The following SGMS1 variants were observed in gnomAD, a reference collection of about 807,000 sequenced individuals.
SGMS1 encodes the protein phosphatidylcholine:ceramide cholinephosphotransferase 1.
In SGMS1, 13 loss-of-function variants were observed where a neutral mutation model predicts 46.2. The observed-to-expected ratio is 0.28, with a 90% CI of 0.18 to 0.45. The LOEUF is 0.45. Ranked by LOEUF, SGMS1 falls within the 20% of genes least tolerant of loss-of-function variation. The pLI, the probability that SGMS1 is intolerant of heterozygous loss-of-function variation, is 1.00. For missense variants in SGMS1, 324 were observed against 519.9 expected (o/e 0.62, Z 3.66); for synonymous variants, 203 against 187.8 (o/e 1.08, Z -0.66).
At chr10:50,434,368 A>G (rs371159841) in intron 5 of SGMS1, among the ~76,000 whole-genome samples, 9 of 152,184 alleles carry the variant, frequency 5.9e-5, no homozygotes, top group Non-Finnish European at 1.2e-4. Context: ...TGGCTCCAAG[A>G]AGACAACATT....
chr10:50,457,368 TTTC>T (rs1837204929), intron 5 of SGMS1, among the ~76,000 whole-genome samples: 1 of 152,182 alleles, frequency 6.6e-6, no homozygotes, highest in Non-Finnish European at 1.5e-5. Flanking sequence ...TTTACCAAAT[TTTC>T]TTTTTTTCCT....
intron 8 of SGMS1, among the ~76,000 whole-genome samples, chr10:50,318,185 C>T (rs1286864470): frequency 2.0e-5 from 3 of 152,106 alleles, no homozygotes; most frequent in Admixed American, 6.5e-5. Flanking sequence ...CAAAGCATTC[C>T]CAATTGATTT....
chr10:50,341,225 T>G, intron 7 of SGMS1: 1 of 424,470 alleles, frequency 2.4e-6, no homozygotes, highest in South Asian at 1.7e-5. Context: ...ACCTTCTCTA[T>G]GAGAGCCAGG....
At chr10:50,445,415 G>C (rs906024024) in intron 5 of SGMS1, among the ~76,000 whole-genome samples, 18 of 152,322 alleles carry the variant, frequency 1.2e-4, no homozygotes, top group African/African-American at 4.1e-4. Flanking sequence ...GTTGCGGGAA[G>C]TCAGGGACCC....
intron 2 of SGMS1, among the ~76,000 whole-genome samples, chr10:50,549,345 G>GAAA (rs1395088774): frequency 2.0e-5 from 3 of 152,166 alleles, no homozygotes; most frequent in Non-Finnish European, 4.4e-5. Flanking sequence ...TATACACCAT[G>GAAA]GAATACTACG....
At chr10:50,376,902 G>C (rs1340121631) in intron 6 of SGMS1, among the ~76,000 whole-genome samples, 1 of 151,996 alleles carries the variant, frequency 6.6e-6, no homozygotes, top group Non-Finnish European at 1.5e-5. Flanking sequence ...TTTTAAGATG[G>C]GCAGCTCTAC....
chr10:50,399,964 G>A (rs1240488315), intron 6 of SGMS1, among the ~76,000 whole-genome samples: 1 of 151,302 alleles, frequency 6.6e-6, no homozygotes, highest in Admixed American at 6.6e-5. Context: ...AGGAGGCAGA[G>A]CTTGCAGTGA....
At chr10:50,616,346 G>A (rs1180766823) in intron 1 of SGMS1, among the ~76,000 whole-genome samples, 2 of 152,108 alleles carry the variant, frequency 1.3e-5, no homozygotes, top group African/African-American at 4.8e-5. Flanking sequence ...GTGTTGCCCA[G>A]ACTGGCCTCA....
intron 2 of SGMS1, among the ~76,000 whole-genome samples, chr10:50,572,515 G>A (rs1838345159): frequency 1.3e-5 from 2 of 152,126 alleles, no homozygotes; most frequent in Non-Finnish European, 2.9e-5. Flanking sequence ...GATGGGTTGG[G>A]GGAAGAAGGG....
At chr10:50,384,295 TG>T (rs1197684895) in intron 6 of SGMS1, among the ~76,000 whole-genome samples, 5 of 152,342 alleles carry the variant, frequency 3.3e-5, no homozygotes, top group African/African-American at 1.2e-4. Flanking sequence ...TTGAGCCTTT[TG>T]TTTCTTTATC....
intron 5 of SGMS1, among the ~76,000 whole-genome samples, chr10:50,448,628 C>T (rs956052477): frequency 5.9e-5 from 9 of 151,398 alleles, no homozygotes; most frequent in African/African-American, 1.9e-4. Context: ...CCTGTAATCT[C>T]AGCTACTCAG....
intron 6 of SGMS1, among the ~76,000 whole-genome samples, chr10:50,372,676 G>A (rs1419490660): frequency 8.4e-6 from 1 of 119,522 alleles, no homozygotes; most frequent in Admixed American, 9.0e-5. Flanking sequence ...CCGGGTGACA[G>A]AGCAAGACTC....
chr10:50,311,758 T>A (rs1007650228), intron 8 of SGMS1, among the ~76,000 whole-genome samples: 2 of 152,192 alleles, frequency 1.3e-5, no homozygotes, highest in African/African-American at 4.8e-5. Flanking sequence ...AACTATCATT[T>A]GGGAAAAATA....
intron 6 of SGMS1, among the ~76,000 whole-genome samples, chr10:50,413,851 C>A (rs1040498241): frequency 6.6e-6 from 1 of 152,242 alleles, no homozygotes; most frequent in Admixed American, 6.5e-5. Context: ...ATACACCAAA[C>A]TATAGCTCCT....
intron 2 of SGMS1, among the ~76,000 whole-genome samples, chr10:50,566,483 A>G (rs1838289007): frequency 6.6e-6 from 1 of 152,184 alleles, no homozygotes; most frequent in African/African-American, 2.4e-5. Context: ...ATTCTTGTAT[A>G]CTGGAAGGCT....
At chr10:50,413,590 A>G (rs189400060) in intron 6 of SGMS1, among the ~76,000 whole-genome samples, 53 of 152,316 alleles carry the variant, frequency 3.5e-4, no homozygotes, top group African/African-American at 1.2e-3. Flanking sequence ...GCACTGTAGG[A>G]TGTTTAGCAG....
chr10:50,524,474 G>A (rs1564423982), intron 2 of SGMS1, among the ~76,000 whole-genome samples: 2 of 152,130 alleles, frequency 1.3e-5, no homozygotes, highest in African/African-American at 4.8e-5. Context: ...TCTCTTGACT[G>A]TGAAAATTTT....
chr10:50,420,918 A>G (rs1849246904), intron 6 of SGMS1, among the ~76,000 whole-genome samples: 1 of 152,214 alleles, frequency 6.6e-6, no homozygotes, highest in Non-Finnish European at 1.5e-5. Context: ...TAACATTCAG[A>G]GTAGGTGTTC....
intron 2 of SGMS1, among the ~76,000 whole-genome samples, chr10:50,560,177 T>C (rs765125027): frequency 1.3e-4 from 19 of 145,862 alleles, no homozygotes; most frequent in Admixed American, 3.4e-4. Context: ...ATACATTACA[T>C]ATATCAGAAT....
Sources: allele counts gnomAD v4.1 joint callset (sites outside exome capture counted in the v4.1 genomes callset), GRCh38; gene constraint gnomAD v4.1.1; transcripts MANE v1.5; gene names NCBI Gene and HGNC (gene_info 2026-07-23, HGNC 2026-07-21).